Variants in PKHD1 observed in about 807,000 individuals in gnomAD.
PKHD1 encodes the protein PKHD1 ciliary IPT domain containing fibrocystin/polyductin, also known as fibrocystin.
A neutral mutation model predicts 412.0 loss-of-function variants in PKHD1; 291 were observed. The ratio of observed to expected loss-of-function variants is 0.71; its 90% confidence interval spans 0.64 to 0.78. PKHD1 has a LOEUF of 0.78. Ranked by LOEUF, PKHD1 falls within the 30% of genes least tolerant of loss-of-function variation. The probability of loss-of-function intolerance (pLI) is 0.00; values close to 1 mark genes in which losing one functional copy is unlikely to be tolerated. For missense variants in PKHD1, 4,825 were observed against 4,950.7 expected (o/e 0.97, Z 0.76); for synonymous variants, 1,777 against 1,821.5 (o/e 0.98, Z 0.62).
intron 49 of PKHD1, 39 bp downstream of exon 49, chr6:51,855,854 G>T: frequency 1.4e-6 from 2 of 1,452,482 alleles, no homozygotes; most frequent in South Asian, 1.1e-5. Context: ...AAGAACAAAT[G>T]AGAATGCAGC....
intron 40 of PKHD1, among the ~76,000 whole-genome samples, chr6:51,907,065 A>C (rs1782214905): frequency 6.6e-6 from 1 of 152,176 alleles, no homozygotes; most frequent in South Asian, 2.1e-4. Context: ...TGTGCTGGAA[A>C]CATAAAGATG....
At chr6:52,035,551 C>G in intron 28 of PKHD1, 40 bp downstream of exon 28, 3 of 1,592,902 alleles carry the variant, frequency 1.9e-6, no homozygotes, top group Non-Finnish European at 2.6e-6. Flanking sequence ...ACAGTGGTCA[C>G]TCACCCAGAG....
chr6:51,624,886 C>T (rs1366475664), intron 66 of PKHD1, among the ~76,000 whole-genome samples: 1 of 152,196 alleles, frequency 6.6e-6, no homozygotes, highest in Non-Finnish European at 1.5e-5. Flanking sequence ...CTTCTGGGTT[C>T]TATGCTCTTA....
chr6:51,920,093 C>T (rs1784455192), intron 37 of PKHD1, among the ~76,000 whole-genome samples: 1 of 152,238 alleles, frequency 6.6e-6, no homozygotes, highest in African/African-American at 2.4e-5. Flanking sequence ...TTGACTTCCT[C>T]TTTTCCTAAT....
intron 52 of PKHD1, among the ~76,000 whole-genome samples, chr6:51,826,832 A>G (rs1332952344): frequency 6.6e-6 from 1 of 152,106 alleles, no homozygotes; most frequent in Non-Finnish European, 1.5e-5. Flanking sequence ...TAAGATAGTG[A>G]TGTCTTTTAT....
chr6:51,986,876 G>A (rs138633345), intron 35 of PKHD1, among the ~76,000 whole-genome samples: 11 of 152,296 alleles, frequency 7.2e-5, no homozygotes, highest in Non-Finnish European at 1.0e-4. Flanking sequence ...AACAAATAGC[G>A]TGGCAGCATT....
Position 52,045,055 on chromosome 6 carries a change from C to T in PKHD1, c.2626G>A (p.Ala876Thr). The change falls in exon 25 of 67, where the codon GCT becomes ACT. Residue 876 changes from alanine to threonine, a missense_variant. Ala to Thr is a moderately conservative substitution (Grantham distance 58, BLOSUM62 0). Coordinates refer to ENST00000371117, the MANE Select transcript of PKHD1 (RefSeq NM_138694.4). ...SDENLTGVNP[A>T]AATRVVYDGG... is the part of the protein sequence containing the mutation. ...TCATATACCACACGCGTGGCTGCAG[C>T]AGGATTCACTCCAGTAAGGTTTTCA... 1 of 1,613,382 alleles carries T rather than the reference C, an allele frequency of 6.2e-7. No homozygotes were observed.
intron 19 of PKHD1, among the ~76,000 whole-genome samples, chr6:52,054,763 T>C (rs1005227766): frequency 6.6e-6 from 1 of 152,158 alleles, no homozygotes; most frequent in Non-Finnish European, 1.5e-5. Context: ...ACTTCCCCAG[T>C]TGCAACAACG....
chr6:51,851,900 C>A (rs1772329846), intron 49 of PKHD1, among the ~76,000 whole-genome samples: 1 of 151,610 alleles, frequency 6.6e-6, no homozygotes, highest in African/African-American at 2.4e-5. Context: ...GTGTCTATAA[C>A]TCCTTCAATT....
chr6:51,963,283 C>T (rs1792338850), intron 35 of PKHD1, among the ~76,000 whole-genome samples: 1 of 152,024 alleles, frequency 6.6e-6, no homozygotes, highest in Admixed American at 6.6e-5. Flanking sequence ...TTTTCTTTCA[C>T]CTTAAGTTTC....
At chr6:51,687,383 T>C (rs1460950534) in intron 60 of PKHD1, among the ~76,000 whole-genome samples, 1 of 152,218 alleles carries the variant, frequency 6.6e-6, no homozygotes, top group Admixed American at 6.5e-5. Context: ...CTTTTCTGTA[T>C]CAGCTATATT....
At chr6:51,734,770 C>T (rs1783636976) in intron 60 of PKHD1, among the ~76,000 whole-genome samples, 1 of 151,948 alleles carries the variant, frequency 6.6e-6, no homozygotes, top group Non-Finnish European at 1.5e-5. Flanking sequence ...GATTTTGCCA[C>T]CTGACGAGTA....
chr6:51,720,364 C>T (rs1360854718), intron 60 of PKHD1, among the ~76,000 whole-genome samples: 1 of 152,206 alleles, frequency 6.6e-6, no homozygotes, highest in East Asian at 1.9e-4. Context: ...AACCAACTCT[C>T]ATCCACATAT....
At chr6:51,915,502 G>A (rs1370637541) in intron 37 of PKHD1, among the ~76,000 whole-genome samples, 1 of 152,006 alleles carries the variant, frequency 6.6e-6, no homozygotes, top group Non-Finnish European at 1.5e-5. Context: ...GCATGTAAGT[G>A]TTCCATAAAT....
intron 55 of PKHD1, among the ~76,000 whole-genome samples, chr6:51,767,927 C>T (rs1026660502): frequency 2.0e-4 from 31 of 152,040 alleles, no homozygotes; most frequent in Non-Finnish European, 3.7e-4. Context: ...GTTTACAGTC[C>T]CACCAACAGT....
chr6:52,059,487 G>A (rs1286381123), intron 15 of PKHD1, among the ~76,000 whole-genome samples: 1 of 151,724 alleles, frequency 6.6e-6, no homozygotes. Flanking sequence ...GGGCTCAAGT[G>A]ATCTGCCTGC....
chr6:51,942,474 A>G (rs1046885089), intron 36 of PKHD1, among the ~76,000 whole-genome samples: 2 of 151,578 alleles, frequency 1.3e-5, no homozygotes, highest in Non-Finnish European at 3.0e-5. Context: ...CACACCTGAC[A>G]CATATACTTT....
At position 51,616,431 on chromosome 6, in the gene PKHD1, A is replaced by C; in HGVS notation, c.*2650T>G. On this transcript the variant is annotated 3_prime_UTR_variant, in exon 67 of 67. Coordinates refer to ENST00000371117, the MANE Select transcript of PKHD1 (RefSeq NM_138694.4). Reference sequence around the variant, plus strand: ...CCATGTTAACGATCTGAATAAATTTAGAGTTGGCCTACAGTGGTGCTCAAA... The same window carrying C: ...CCATGTTAACGATCTGAATAAATTTCGAGTTGGCCTACAGTGGTGCTCAAA... 5.4e-6 allele frequency: 2 copies of C among 370,584 alleles called. No homozygotes were observed. Among genetic ancestry groups the C allele is most frequent in the East Asian group, 3.9e-5 (1 of 25,894 alleles). 23.0% of individuals were successfully genotyped at this position (370,584 alleles called of 1,614,324 possible). A position where few individuals can be genotyped will look rare whatever the true frequency, so the allele number is the denominator to read the frequency against.
In PKHD1 at chr6:51,748,070, T is replaced by C. The variant is rs758820099; in HGVS notation, c.9546A>G (p.Val3182=). 6.2e-7 allele frequency: 1 copy of C among 1,614,042 alleles called. No individual in the cohort carries two copies. Among genetic ancestry groups the C allele is most frequent in the East Asian group, 2.2e-5 (1 of 44,872 alleles). ...LVDNTIGLLA[V]VYVFSAPQNS... Reference sequence around the variant, plus strand: ...TTTGTGGAGCAGAAAATACATACACTACTGCCAAAAGACCAATAGTATTGT... The same window carrying C: ...TTTGTGGAGCAGAAAATACATACACCACTGCCAAAAGACCAATAGTATTGT... The change falls in exon 58 of 67, where the codon GTA becomes GTG. Residue 3182 remains valine, a synonymous_variant. Transcript: ENST00000371117.
Sources: gnomAD v4.1 joint callset for allele counts (sites outside exome capture counted in the v4.1 genomes callset) on GRCh38, gnomAD v4.1.1 for gene constraint, MANE v1.5 for transcripts, NCBI Gene and HGNC (gene_info 2026-07-23, HGNC 2026-07-21) for gene names.